The following TBK1 variants were observed in gnomAD, a reference collection of about 807,000 sequenced individuals.
The protein encoded by TBK1 is serine/threonine-protein kinase TBK1.
In TBK1, 37 loss-of-function variants were observed where a neutral mutation model predicts 99.9. The observed-to-expected ratio is 0.37, with a 90% CI of 0.28 to 0.49. The LOEUF (loss-of-function observed/expected upper bound fraction) is 0.49, where lower values mean the gene tolerates loss of function less well. Among genes scored for constraint, TBK1 ranks in the 20% least tolerant of loss-of-function variants. The pLI, the probability that TBK1 is intolerant of heterozygous loss-of-function variation, is 0.98. For synonymous variants in TBK1, 258 were observed against 279.8 expected (o/e 0.92, Z 0.78); for missense variants, 644 against 872.5 (o/e 0.74, Z 3.30).
chr12:64,456,026 A>G, intron 2 of TBK1, 69 bp downstream of exon 2: 5 of 1,107,382 alleles, frequency 4.5e-6, no homozygotes, highest in Middle Eastern at 2.4e-4. Flanking sequence ...GCATGTTGAC[A>G]CTAAAGTGTG....
intron 5 of TBK1, among the ~76,000 whole-genome samples, chr12:64,473,775 A>G (rs2040683689): frequency 6.6e-6 from 1 of 152,118 alleles, no homozygotes; most frequent in African/African-American, 2.4e-5. Flanking sequence ...TGTCTCTACT[A>G]AAAATACAAA....
chr12:64,501,681 A>C lies in TBK1; in HGVS notation c.*300A>C, dbSNP rs1868248261. The C allele has an allele frequency of 4.1e-6, 1 of 246,722 alleles. No homozygotes were observed. The highest frequency in any genetic ancestry group is 5.3e-5 in the Admixed American group (1 of 18,706). The allele number at this position is 246,722 out of a possible 1,614,324, so 15.3% of individuals were successfully genotyped here. A position where few individuals can be genotyped will look rare whatever the true frequency, so the allele number is the denominator to read the frequency against. On this transcript the variant is annotated 3_prime_UTR_variant, in exon 21 of 21. Coordinates refer to ENST00000331710, the MANE Select transcript of TBK1 (RefSeq NM_013254.4). ...CTGATCCTCTACTCTGAGTGGGGCT[A>C]AATAAGTTATTTTCTCTGACCGCCT...
intron 5 of TBK1, among the ~76,000 whole-genome samples, chr12:64,468,040 T>C (rs2040624129): frequency 6.6e-6 from 1 of 151,858 alleles, no homozygotes. Context: ...ATTACAAAAT[T>C]AGCCAGGCAT....
chr12:64,457,175 C>T (rs1426232943), intron 2 of TBK1, among the ~76,000 whole-genome samples: 1 of 152,292 alleles, frequency 6.6e-6, no homozygotes, highest in East Asian at 1.9e-4. Flanking sequence ...CCAGTCAGTT[C>T]TGTCAGTGAC....
chr12:64,453,592 T>C (rs1175354433), intron 1 of TBK1, among the ~76,000 whole-genome samples: 5 of 152,210 alleles, frequency 3.3e-5, no homozygotes, highest in South Asian at 2.1e-4. Context: ...CCATTCTGCA[T>C]TTTCCTAACC....
At chr12:64,465,512 AAG>A (rs1056595269) in intron 4 of TBK1, among the ~76,000 whole-genome samples, 1 of 151,494 alleles carries the variant, frequency 6.6e-6, no homozygotes, top group African/African-American at 2.4e-5. Flanking sequence ...AAAAAAAAAA[AAG>A]ATGAAAACAG....
At chr12:64,500,328 C>T (rs752356023) in intron 20 of TBK1, among the ~76,000 whole-genome samples, 3 of 152,174 alleles carry the variant, frequency 2.0e-5, no homozygotes, top group Non-Finnish European at 4.4e-5. Context: ...CACCTTTCTC[C>T]TACTCCCTTA....
chr12:64,495,430 A>C (rs1157127638), intron 13 of TBK1, 53 bp from the exon 14 acceptor site: 6 of 1,597,556 alleles, frequency 3.8e-6, no homozygotes, highest in Non-Finnish European at 5.1e-6. Flanking sequence ...TGGGACTGTG[A>C]TGATCATTTC....
At chr12:64,456,839 T>TAAAA (rs532644739) in intron 2 of TBK1, among the ~76,000 whole-genome samples, 1 of 118,610 alleles carries the variant, frequency 8.4e-6, no homozygotes, top group African/African-American at 3.1e-5. Context: ...AAGACTCAAT[T>TAAAA]AAAAAAAAAA....
At chr12:64,455,817 T>C in intron 1 of TBK1, 23 bp from the exon 2 acceptor site, 1 of 1,407,874 alleles carries the variant, frequency 7.1e-7, no homozygotes, top group Non-Finnish European at 9.8e-7. Flanking sequence ...AAAACATAGT[T>C]GCAAATTTTT....
chr12:64,499,693 CTTTTT>C (rs56725684), intron 20 of TBK1, among the ~76,000 whole-genome samples: 13 of 82,940 alleles, frequency 1.6e-4, no homozygotes, highest in African/African-American at 6.3e-4. Context: ...TAAAGATGTG[CTTTTT>C]TTTTTTTTTT....
At chr12:64,461,191 A>C (rs141534635) in intron 3 of TBK1, among the ~76,000 whole-genome samples, 1 of 152,012 alleles carries the variant, frequency 6.6e-6, no homozygotes, top group Non-Finnish European at 1.5e-5. Context: ...AGAAAAAATA[A>C]TTATAAAAAG....
chr12:64,467,204 A>G (rs750924331), intron 5 of TBK1, 122 bp downstream of exon 5: 1 of 697,160 alleles, frequency 1.4e-6, no homozygotes, highest in Non-Finnish European at 2.2e-6. Flanking sequence ...TAAATTTTCT[A>G]TTCTAATGAA....
At chr12:64,492,505 C>T (rs1318029325) in intron 13 of TBK1, among the ~76,000 whole-genome samples, 2 of 152,022 alleles carry the variant, frequency 1.3e-5, no homozygotes, top group African/African-American at 4.8e-5. Flanking sequence ...GTGGTTTCTC[C>T]ATGTTGGTCA....
intron 4 of TBK1, among the ~76,000 whole-genome samples, chr12:64,464,867 C>A (rs930322418): frequency 6.6e-6 from 1 of 152,004 alleles, no homozygotes; most frequent in Non-Finnish European, 1.5e-5. Context: ...TAATTAATAA[C>A]CGACATCATT....
At chr12:64,480,396 G>A (rs2040757968) in intron 7 of TBK1, among the ~76,000 whole-genome samples, 1 of 152,108 alleles carries the variant, frequency 6.6e-6, no homozygotes, top group African/African-American at 2.4e-5. Context: ...TCCCAGTGTA[G>A]GGATCATGCT....
intron 2 of TBK1, among the ~76,000 whole-genome samples, chr12:64,458,364 G>A (rs1339103602): frequency 6.6e-6 from 1 of 151,946 alleles, no homozygotes; most frequent in Non-Finnish European, 1.5e-5. Context: ...GTTATTCAAA[G>A]TATATTACCT....
intron 2 of TBK1, among the ~76,000 whole-genome samples, chr12:64,456,611 C>T (rs2136053430): frequency 6.6e-6 from 1 of 152,238 alleles, no homozygotes; most frequent in African/African-American, 2.4e-5. Flanking sequence ...GAGGCCGAGG[C>T]AGGCGGATCA....
chr12:64,471,416 C>T (rs2040661571), intron 5 of TBK1, among the ~76,000 whole-genome samples: 1 of 151,878 alleles, frequency 6.6e-6, no homozygotes, highest in African/African-American at 2.4e-5. Context: ...GTAGTGGTGC[C>T]ATCCTAGCTC....
Sources: gnomAD v4.1 joint callset for allele counts (sites outside exome capture counted in the v4.1 genomes callset) on GRCh38, gnomAD v4.1.1 for gene constraint, MANE v1.5 for transcripts, NCBI Gene and HGNC (gene_info 2026-07-23, HGNC 2026-07-21) for gene names.